FLI1: variants seen among roughly 807,000 people sequenced by gnomAD.
FLI1 encodes the protein Friend leukemia integration 1 transcription factor.
FLI1 carries 13 observed loss-of-function variants against 53.1 expected under a neutral mutation model. The ratio of observed to expected loss-of-function variants is 0.24; its 90% CI spans 0.16 to 0.39. The LOEUF is 0.39. FLI1 is among the 10% of genes least tolerant of loss of function. The pLI, the probability that FLI1 is intolerant of heterozygous loss-of-function variation, is 1.00. For missense variants in FLI1, 424 were observed against 600.5 expected (o/e 0.71, Z 3.07); for synonymous variants, 244 against 236.7 (o/e 1.03, Z -0.28).
At chr11:128,808,728 T>TA (rs55842038) in intron 7 of FLI1, among the ~76,000 whole-genome samples, 154 of 118,704 alleles carry the variant, frequency 1.3e-3, no homozygotes, top group African/African-American at 2.4e-3. Context: ...ATGCTACATT[T>TA]AAAAAAAAAA....
chr11:128,754,235 ATGTGTGTGTGTGTG>A lies in FLI1; in HGVS notation c.19-3851_19-3838del, dbSNP rs57171401. ...AGCCATGATTGCAAATAGAAGGGGG[ATGTGTGTGTGTGTG>A]TGTGTGTGTGTGTGTGTGTGTGTGT... On this transcript the variant is annotated intron_variant, in intron 1 of 8. Transcript: ENST00000527786. Among the ~76,000 whole-genome samples, 1,010 of 145,784 alleles carry A rather than the reference ATGTGTGTGTGTGTG, an allele frequency of 6.9e-3. 8 individuals carry two copies. The highest frequency in any genetic ancestry group is 0.024 in the African/African-American group (943 of 38,932).
At chr11:128,717,571 G>A (rs376179607) in intron 1 of FLI1, among the ~76,000 whole-genome samples, 14 of 152,030 alleles carry the variant, frequency 9.2e-5, no homozygotes, top group Admixed American at 4.6e-4. Flanking sequence ...CATGCCAGGC[G>A]GTTTATAAAC....
At chr11:128,789,942 G>A (rs1053948369) in intron 5 of FLI1, among the ~76,000 whole-genome samples, 2 of 152,074 alleles carry the variant, frequency 1.3e-5, no homozygotes, top group South Asian at 2.1e-4. Context: ...AGGGTATCGC[G>A]GCCTCACAGG....
At chr11:128,760,642 C>G (rs976898112) in intron 2 of FLI1, among the ~76,000 whole-genome samples, 1 of 151,342 alleles carries the variant, frequency 6.6e-6, no homozygotes, top group African/African-American at 2.4e-5. Context: ...ATTCTCTTGC[C>G]TCAGCCTCCT....
At chr11:128,694,391 G>T (rs1753830489) in intron 1 of FLI1, 115 bp downstream of exon 1, 3 of 849,990 alleles carry the variant, frequency 3.5e-6, no homozygotes, top group South Asian at 5.6e-5. Context: ...CCTTCCCTCC[G>T]CGCCCCGGCT....
At chr11:128,757,765 A>G (rs1479324880) in intron 1 of FLI1, among the ~76,000 whole-genome samples, 1 of 152,156 alleles carries the variant, frequency 6.6e-6, no homozygotes, top group Non-Finnish European at 1.5e-5. Flanking sequence ...TCTAGCATTC[A>G]CACACCACCA....
At chr11:128,712,059 T>C (rs1938801661) in intron 1 of FLI1, among the ~76,000 whole-genome samples, 1 of 152,202 alleles carries the variant, frequency 6.6e-6, no homozygotes, top group South Asian at 2.1e-4. Flanking sequence ...TGTTGAAGTA[T>C]GATTCGCAGT....
chr11:128,788,081 C>T (rs923627838), intron 5 of FLI1, among the ~76,000 whole-genome samples: 2 of 151,694 alleles, frequency 1.3e-5, no homozygotes, highest in African/African-American at 4.8e-5. Context: ...ATTACAGTAT[C>T]CCGCTAATTA....
chr11:128,734,047 G>A (rs557097901), intron 1 of FLI1, among the ~76,000 whole-genome samples: 57 of 152,288 alleles, frequency 3.7e-4, no homozygotes, highest in Admixed American at 1.2e-3. Context: ...TCCCCAGAGC[G>A]CCCAGGGGCT....
In FLI1 at chr11:128,758,528, C is replaced by T. The variant is rs595677; in HGVS notation, c.230+202C>T. On this transcript the variant is annotated intron_variant, in intron 2 of 8. Coordinates refer to ENST00000527786, the MANE Select transcript of FLI1 (RefSeq NM_002017.5). Reference sequence around the variant, plus strand: ...GGAGTAGGGCTAGGAAGCCCCCCTGCCTCTCTGGGGCCCACGAAGCCCTCA... The same window carrying T: ...GGAGTAGGGCTAGGAAGCCCCCCTGTCTCTCTGGGGCCCACGAAGCCCTCA... Among the ~76,000 whole-genome samples, 197 of 152,148 alleles carry T rather than the reference C, an allele frequency of 1.3e-3. 1 individual carries two copies. Among genetic ancestry groups the T allele is most frequent in the African/African-American group, 4.3e-3 (177 of 41,518 alleles).
Position 128,763,074 on chromosome 11 carries a change from C to T in FLI1, c.230+4748C>T, listed in dbSNP as rs149349408. 1.1e-3 allele frequency among the ~76,000 whole-genome samples: 171 copies of T among 152,248 alleles called. 1 individual carries two copies. Among genetic ancestry groups the T allele is most frequent in the African/African-American group, 4.0e-3 (168 of 41,536 alleles). On this transcript the variant is annotated intron_variant, in intron 2 of 8. Transcript: ENST00000527786. ...ATTCACAGTGCATTTTTTCTGCATT[C>T]CTTGACAGCATGGGCTTCTGAGTTA...
intron 3 of FLI1, 124 bp downstream of exon 3, chr11:128,768,396 C>A (rs774686975): frequency 1.6e-6 from 2 of 1,239,260 alleles, no homozygotes; most frequent in Non-Finnish European, 2.3e-6. Flanking sequence ...GAAAGCTGCA[C>A]GCCAGCCGGG....
chr11:128,731,936 G>GAC (rs1166429110), intron 1 of FLI1, among the ~76,000 whole-genome samples: 1 of 151,810 alleles, frequency 6.6e-6, no homozygotes. Flanking sequence ...CCGGGAGGCG[G>GAC]AGGTTGCAGT....
At chr11:128,705,448 G>T (rs532019) in intron 1 of FLI1, among the ~76,000 whole-genome samples, 2 of 151,938 alleles carry the variant, frequency 1.3e-5, no homozygotes, top group Admixed American at 6.6e-5. Context: ...TTGTACCTTC[G>T]TTCTTTCTTC....
chr11:128,790,069 CGTGT>C lies in FLI1; in HGVS notation c.655+8070_655+8073del, dbSNP rs765614434. On this transcript the variant is annotated intron_variant, in intron 5 of 8. Transcript: ENST00000527786. ...ATGTGTGTGTGTGTGTGCATGCATG[CGTGT>C]GTGTGTGTGTGTGTGTGTGTGTGCA... 9.2e-3 allele frequency among the ~76,000 whole-genome samples: 1,325 copies of C among 143,378 alleles called. 20 individuals carry two copies. Among genetic ancestry groups the C allele is most frequent in the African/African-American group, 0.028 (1,002 of 36,222 alleles). The allele number at this position is 143,378 out of a possible 152,430, so 94.1% of individuals were successfully genotyped here.
rs1304015806 is a variant in FLI1, at chr11:128,699,573, C to T, written c.18+5297C>T. 2.6e-5 allele frequency among the ~76,000 whole-genome samples: 4 copies of T among 152,310 alleles called. No individual in the cohort carries two copies. The South Asian group carries it at 8.3e-4, about 32-fold the overall frequency. The stretch of plus-strand genomic sequence containing the variant: ...GTGTCTTTTCCTCTGCAGAAGACTA[C>T]ACCCTGTTTCAATTTCTGTTGCTTT... On this transcript the variant is annotated intron_variant, in intron 1 of 8. Coordinates refer to ENST00000527786, the MANE Select transcript of FLI1 (RefSeq NM_002017.5).
At position 128,772,770 on chromosome 11, in the gene FLI1, TCTC is replaced by T; in HGVS notation, c.386-8_386-6del. On this transcript the variant is annotated splice_polypyrimidine_tract_variant and intron_variant, in intron 3 of 8. Coordinates refer to ENST00000527786, the MANE Select transcript of FLI1 (RefSeq NM_002017.5). ...CCTGCAGTCCTTGCTAACAACGTCT[TCTC>T]CTCTGCAGACCCCACACTGTGGACA... is the stretch of plus-strand genomic sequence containing the variant. The T allele has an allele frequency of 6.2e-7, 1 of 1,612,976 alleles. No individual in the cohort carries two copies. The highest frequency in any genetic ancestry group is 8.5e-7 in the Non-Finnish European group (1 of 1,179,030).
intron 5 of FLI1, among the ~76,000 whole-genome samples, chr11:128,796,177 A>T (rs1289113506): frequency 6.6e-6 from 1 of 152,200 alleles, no homozygotes; most frequent in Non-Finnish European, 1.5e-5. Flanking sequence ...ATTTCTTCCC[A>T]TGAAGATCTT....
At position 128,772,979 on chromosome 11, in the gene FLI1, A is replaced by G; in HGVS notation, c.583A>G (p.Arg195Gly). The G allele has an allele frequency of 6.2e-7, 1 of 1,612,706 alleles. No homozygotes were observed. The highest frequency in any genetic ancestry group is 8.5e-7 in the Non-Finnish European group (1 of 1,179,176). The change falls in exon 4 of 9, where the codon AGG (arginine) becomes GGG (glycine). Residue 195 changes from arginine (R) to glycine (G), a missense_variant. Arg to Gly is a moderately radical substitution (Grantham distance 125). This residue lies in a region of FLI1 where 114 missense variants were observed against 117.9 expected (regional missense o/e 0.97). Transcript: ENST00000527786. ...GCTGTTGTCACACCTCAGTTACCTCAGGGAAAGTAAGTGCCGCCCAAGTAC... is the reference window on the plus strand; with the variant it reads ...GCTGTTGTCACACCTCAGTTACCTCGGGGAAAGTAAGTGCCGCCCAAGTAC... ...EVLLSHLSYL[R>G]ESSLLAYNTT... is the part of the protein sequence containing the mutation.
Sources: gnomAD v4.1 joint callset for allele counts (sites outside exome capture counted in the v4.1 genomes callset) on GRCh38, gnomAD v4.1.1 for gene constraint, gnomAD v4.1.1 regional missense constraint, MANE v1.5 for transcripts, NCBI Gene and HGNC (gene_info 2026-07-23, HGNC 2026-07-21) for gene names.